GDPD1: variants seen among roughly 807,000 people sequenced by gnomAD.
The protein encoded by GDPD1 is glycerophosphodiester phosphodiesterase domain containing 1.
Under a neutral mutation model 45.1 loss-of-function variants are expected in GDPD1, and 28 were observed. The observed-to-expected ratio is 0.62, with a 90% CI of 0.46 to 0.85. The LOEUF (loss-of-function observed/expected upper bound fraction) is 0.85. GDPD1 is among the 40% of genes least tolerant of loss of function. The pLI is 0.00. For missense variants in GDPD1, 256 were observed against 364.8 expected, an observed-to-expected ratio of 0.70 and a Z score of 2.43; for synonymous variants, 139 against 131.4, an observed-to-expected ratio of 1.06 and a Z score of -0.40.
At chr17:59,253,404 A>G (rs979400482) in intron 4 of GDPD1, among the ~76,000 whole-genome samples, 1 of 152,134 alleles carries the variant, frequency 6.6e-6, no homozygotes, top group African/African-American at 2.4e-5. Flanking sequence ...AGGTCTCGCT[A>G]TGTTGGTCAG....
chr17:59,240,599 A>G (rs1012454881), intron 2 of GDPD1, among the ~76,000 whole-genome samples: 1 of 151,796 alleles, frequency 6.6e-6, no homozygotes, highest in Non-Finnish European at 1.5e-5. Context: ...ATCCCAAGTC[A>G]CTAGAACTAC....
At chr17:59,263,878 C>CA (rs35853494) in intron 6 of GDPD1, among the ~76,000 whole-genome samples, 15,394 of 152,196 alleles carry the variant, frequency 0.1, 1,033 homozygotes, top group South Asian at 0.26. Context: ...GGAATTGGGG[C>CA]ACACAGTGGT....
At chr17:59,269,968 T>C (rs1260777432) in intron 7 of GDPD1, among the ~76,000 whole-genome samples, 2 of 152,160 alleles carry the variant, frequency 1.3e-5, no homozygotes, top group Admixed American at 1.3e-4. Context: ...CTCCACAGAA[T>C]TAATATTTTC....
At chr17:59,225,817 G>C (rs1026702262) in intron 1 of GDPD1, among the ~76,000 whole-genome samples, 1 of 152,026 alleles carries the variant, frequency 6.6e-6, no homozygotes, top group Non-Finnish European at 1.5e-5. Context: ...CACCTCTAGG[G>C]TTCAAGTGAT....
chr17:59,259,343 G>A (rs1255079931), intron 6 of GDPD1, among the ~76,000 whole-genome samples: 3 of 151,168 alleles, frequency 2.0e-5, no homozygotes, highest in African/African-American at 4.9e-5. Context: ...CGAGGAGGGC[G>A]GATCACGAGG....
chr17:59,257,307 C>T, intron 5 of GDPD1, 67 bp downstream of exon 5: 2 of 777,156 alleles, frequency 2.6e-6, no homozygotes, highest in Non-Finnish European at 4.3e-6. Context: ...AGGTTAGAGT[C>T]AGTGACTGCA....
Position 59,268,589 on chromosome 17 carries a change from A to AG in GDPD1, c.710+1415_710+1416insG, listed in dbSNP as rs1568351833. Among the ~76,000 whole-genome samples the AG allele has an allele frequency of 4.8e-5, 7 of 144,526 alleles. No individual in the cohort carries two copies. The East Asian group carries it at 1.4e-3, about 28-fold the overall frequency. The allele number at this position is 144,526 out of a possible 152,430, so 94.8% of individuals were successfully genotyped here. On this transcript the variant is annotated intron_variant, in intron 7 of 9. Coordinates refer to ENST00000284116, the MANE Select transcript of GDPD1 (RefSeq NM_182569.4). ...GCGAGACTCTGTCTCAAAAAAAAAA[A>AG]AAAAAAAAAAAAAGAAAAGAAAACA... is the stretch of plus-strand genomic sequence containing the variant.
chr17:59,242,712 G>A (rs781124751), intron 2 of GDPD1, among the ~76,000 whole-genome samples: 13 of 152,136 alleles, frequency 8.5e-5, no homozygotes, highest in Non-Finnish European at 1.3e-4. Context: ...CAAAGGTGAC[G>A]AGAGCAGGAA....
At chr17:59,256,718 G>A (rs2047312159) in intron 4 of GDPD1, among the ~76,000 whole-genome samples, 1 of 152,096 alleles carries the variant, frequency 6.6e-6, no homozygotes, top group Non-Finnish European at 1.5e-5. Flanking sequence ...TTTGCAAGAA[G>A]GTTACCACTG....
chr17:59,243,656 A>G (rs2047191105), intron 2 of GDPD1, among the ~76,000 whole-genome samples: 1 of 152,158 alleles, frequency 6.6e-6, no homozygotes, highest in African/African-American at 2.4e-5. Context: ...GCTGTCTCCT[A>G]TCTCCATCAT....
At chr17:59,241,724 T>G (rs1245023729) in intron 2 of GDPD1, among the ~76,000 whole-genome samples, 1 of 151,664 alleles carries the variant, frequency 6.6e-6, no homozygotes, top group Non-Finnish European at 1.5e-5. Flanking sequence ...AGTTCAGGAG[T>G]TCGAGACCAC....
In GDPD1 at chr17:59,236,981, T is replaced by A. The variant is rs183929598; in HGVS notation, c.185+2447T>A. Among the ~76,000 whole-genome samples, 264 of 152,362 alleles carry A rather than the reference T, an allele frequency of 1.7e-3. 3 individuals are homozygous for A. The highest frequency in any genetic ancestry group is 9.1e-4 in the Non-Finnish European group (62 of 68,034). On this transcript the variant is annotated intron_variant, in intron 2 of 9. Transcript: ENST00000284116. ...GCCCTTGCTATGAATACATACTTTT[T>A]AAAATTGTAGTTCAAAAAATTACAA...
Position 59,245,472 on chromosome 17 carries a change from C to T in GDPD1, c.244C>T (p.Gln82Ter). 6.2e-7 allele frequency: 1 copy of T among 1,609,356 alleles called. No individual in the cohort carries two copies. The highest frequency in any genetic ancestry group is 8.5e-7 in the Non-Finnish European group (1 of 1,175,958). The part of the protein sequence containing the change: ...ELDCHITKDE[Q>*]VVVSHDENLK... ...GGACTGCCATATCACAAAAGATGAA[C>T]AAGTTGTAGTGTCACATGATGAGAA... The change falls in exon 3 of 10, where the codon CAA becomes TAA. Residue 82 changes from glutamine (Q) to a stop codon, truncating the protein, a stop_gained. Coordinates refer to ENST00000284116, the MANE Select transcript of GDPD1 (RefSeq NM_182569.4). LOFTEE classifies it high-confidence loss of function.
intron 4 of GDPD1, among the ~76,000 whole-genome samples, chr17:59,251,254 C>T (rs1229429735): frequency 2.6e-5 from 4 of 152,190 alleles, no homozygotes; most frequent in Admixed American, 6.5e-5. Context: ...TGCAGTGGCT[C>T]ACGCCTGTAA....
chr17:59,225,220 T>C (rs2147872366), intron 1 of GDPD1, among the ~76,000 whole-genome samples: 1 of 151,478 alleles, frequency 6.6e-6, no homozygotes, highest in South Asian at 2.1e-4. Context: ...GCCTCCTGAA[T>C]AGCTGGGGTT....
chr17:59,238,923 G>C (rs1050470213), intron 2 of GDPD1, among the ~76,000 whole-genome samples: 4 of 152,040 alleles, frequency 2.6e-5, no homozygotes, highest in Non-Finnish European at 5.9e-5. Flanking sequence ...AAAAACTAAG[G>C]AATTGTACTA....
At chr17:59,261,488 A>T (rs1002978136) in intron 6 of GDPD1, among the ~76,000 whole-genome samples, 2 of 151,672 alleles carry the variant, frequency 1.3e-5, no homozygotes, top group African/African-American at 4.8e-5. Flanking sequence ...TTAATGATTT[A>T]TTTTATTATT....
At chr17:59,244,927 T>G (rs563723205) in intron 2 of GDPD1, among the ~76,000 whole-genome samples, 1 of 152,246 alleles carries the variant, frequency 6.6e-6, no homozygotes, top group African/African-American at 2.4e-5. Flanking sequence ...GCCCAGGAGT[T>G]TGAGGATGCA....
intron 1 of GDPD1, among the ~76,000 whole-genome samples, chr17:59,225,090 CTTTTTTT>C (rs796851725): frequency 6.2e-5 from 7 of 113,678 alleles, no homozygotes; most frequent in Non-Finnish European, 1.0e-4. Context: ...TCTTTCTTTT[CTTTTTTT>C]TTTTTTTTTT....
Sources: allele counts gnomAD v4.1 joint callset (sites outside exome capture counted in the v4.1 genomes callset), GRCh38; gene constraint gnomAD v4.1.1; transcripts MANE v1.5; gene names NCBI Gene and HGNC (gene_info 2026-07-23, HGNC 2026-07-21).